AUTS2: variants seen among roughly 807,000 people sequenced by gnomAD.
AUTS2 encodes activator of transcription and developmental regulator AUTS2.
Under a neutral mutation model 112.4 loss-of-function variants are expected in AUTS2, and 17 were observed. That is an observed-to-expected ratio of 0.15 (90% confidence interval 0.10 to 0.23). AUTS2 has a LOEUF of 0.23. AUTS2 is among the 10% of genes least tolerant of loss of function. The probability of loss-of-function intolerance (pLI) is 1.00; values close to 1 mark genes in which losing one functional copy is unlikely to be tolerated. For missense variants in AUTS2, 1,510 were observed against 1,701.6 expected (o/e 0.89, Z 1.98); for synonymous variants, 751 against 702.7 (o/e 1.07, Z -1.09).
intron 4 of AUTS2, among the ~76,000 whole-genome samples, chr7:70,156,911 A>T (rs1204560981): frequency 7.1e-6 from 1 of 141,172 alleles, no homozygotes; most frequent in Non-Finnish European, 1.5e-5. Context: ...AAAAAAAAAA[A>T]AAAAAAAAAA....
At chr7:69,786,685 A>G (rs1284979709) in intron 1 of AUTS2, among the ~76,000 whole-genome samples, 2 of 152,172 alleles carry the variant, frequency 1.3e-5, no homozygotes, top group Admixed American at 1.3e-4. Flanking sequence ...AACTCTGAAC[A>G]CAAGGTGATC....
chr7:70,558,805 A>C (rs1371906430), intron 5 of AUTS2, among the ~76,000 whole-genome samples: 1 of 152,230 alleles, frequency 6.6e-6, no homozygotes, highest in Admixed American at 6.5e-5. Context: ...CATCTTATGA[A>C]TGTAACGTGT....
chr7:69,904,130 G>A (rs1013207199), intron 2 of AUTS2, among the ~76,000 whole-genome samples: 5 of 152,158 alleles, frequency 3.3e-5, no homozygotes, highest in Non-Finnish European at 4.4e-5. Flanking sequence ...AGTGATAGTG[G>A]TGCTATAGAC....
chr7:70,045,396 T>G (rs1801456100), intron 2 of AUTS2, among the ~76,000 whole-genome samples: 1 of 152,104 alleles, frequency 6.6e-6, no homozygotes, highest in Non-Finnish European at 1.5e-5. Flanking sequence ...AAAGCAAGAA[T>G]TTATAGGTCC....
At chr7:70,408,273 C>A (rs1794628397) in intron 4 of AUTS2, among the ~76,000 whole-genome samples, 2 of 151,788 alleles carry the variant, frequency 1.3e-5, no homozygotes, top group African/African-American at 4.8e-5. Context: ...AGGAAGGGGT[C>A]TGGTATGGTA....
At chr7:70,549,743 T>C (rs1475113721) in intron 5 of AUTS2, among the ~76,000 whole-genome samples, 1 of 152,170 alleles carries the variant, frequency 6.6e-6, no homozygotes, top group Non-Finnish European at 1.5e-5. Flanking sequence ...TTCACAGTGC[T>C]CCTCTTAGTG....
At chr7:69,712,173 G>A (rs1031252505) in intron 1 of AUTS2, among the ~76,000 whole-genome samples, 4 of 152,172 alleles carry the variant, frequency 2.6e-5, no homozygotes, top group Non-Finnish European at 4.4e-5. Flanking sequence ...ATTAGGATAT[G>A]AGCAGACATG....
intron 1 of AUTS2, among the ~76,000 whole-genome samples, chr7:69,682,344 G>A (rs1212587707): frequency 1.3e-5 from 2 of 152,168 alleles, no homozygotes; most frequent in Non-Finnish European, 2.9e-5. Flanking sequence ...TTCCTGGCCT[G>A]GCATGTTGTC....
chr7:70,100,491 C>T (rs1458407740), intron 2 of AUTS2, among the ~76,000 whole-genome samples: 1 of 151,610 alleles, frequency 6.6e-6, no homozygotes, highest in African/African-American at 2.4e-5. Flanking sequence ...AAGTTTGTTA[C>T]ATAGGTATAC....
chr7:70,573,584 G>A (rs1440074966), intron 5 of AUTS2, among the ~76,000 whole-genome samples: 1 of 152,146 alleles, frequency 6.6e-6, no homozygotes, highest in Non-Finnish European at 1.5e-5. Context: ...AAGGCATATG[G>A]GAACAGTATT....
chr7:70,783,418 A>G (rs1166724542), intron 15 of AUTS2: 1 of 152,198 alleles, frequency 6.6e-6, no homozygotes, highest in Non-Finnish European at 1.5e-5. Flanking sequence ...AGGCCACAAG[A>G]CTTTTGCAGC....
chr7:69,783,939 A>T (rs1463458886), intron 1 of AUTS2, among the ~76,000 whole-genome samples: 2 of 152,128 alleles, frequency 1.3e-5, no homozygotes, highest in African/African-American at 4.8e-5. Flanking sequence ...TTCTGCTTCA[A>T]ATTCTCTGCC....
chr7:70,173,825 C>CG (rs1808840133), intron 4 of AUTS2, among the ~76,000 whole-genome samples: 1 of 92 alleles, frequency 0.011, no homozygotes, highest in Non-Finnish European at 0.024. Context: ...ATAAACCTCG[C>CG]TATATAAGAA....
At chr7:70,547,030 C>T (rs918296021) in intron 5 of AUTS2, among the ~76,000 whole-genome samples, 8 of 152,162 alleles carry the variant, frequency 5.3e-5, no homozygotes, top group Admixed American at 2.0e-4. Flanking sequence ...AATATTCACC[C>T]GTACTAAGTG....
chr7:69,746,753 G>A (rs1787513754), intron 1 of AUTS2, among the ~76,000 whole-genome samples: 1 of 152,094 alleles, frequency 6.6e-6, no homozygotes, highest in African/African-American at 2.4e-5. Flanking sequence ...GTACTATAAG[G>A]ACTTTGGCCT....
intron 1 of AUTS2, among the ~76,000 whole-genome samples, chr7:69,673,535 C>T (rs1271814468): frequency 6.6e-6 from 1 of 152,178 alleles, no homozygotes; most frequent in African/African-American, 2.4e-5. Flanking sequence ...TTCACTTATC[C>T]AGAAGCCAGC....
intron 5 of AUTS2, among the ~76,000 whole-genome samples, chr7:70,515,006 A>T (rs1289823973): frequency 6.6e-6 from 1 of 152,044 alleles, no homozygotes; most frequent in Non-Finnish European, 1.5e-5. Flanking sequence ...AAAGCTCTTT[A>T]TATACTCTGG....
At chr7:69,825,901 A>G (rs930832753) in intron 1 of AUTS2, 2 of 152,178 alleles carry the variant, frequency 1.3e-5, no homozygotes, top group African/African-American at 4.8e-5. Flanking sequence ...ACGTAGTGCC[A>G]TTTATTTCCT....
At chr7:70,056,824 G>A (rs1049656791) in intron 2 of AUTS2, among the ~76,000 whole-genome samples, 2 of 152,154 alleles carry the variant, frequency 1.3e-5, no homozygotes, top group Admixed American at 6.5e-5. Flanking sequence ...GTCCTTAACT[G>A]ATTCAGTTTA....
Sources: gnomAD v4.1 joint callset for allele counts (sites outside exome capture counted in the v4.1 genomes callset) on GRCh38, gnomAD v4.1.1 for gene constraint, MANE v1.5 for transcripts, NCBI Gene and HGNC (gene_info 2026-07-23, HGNC 2026-07-21) for gene names.